Variants in KLHL29 observed in about 807,000 individuals in gnomAD.
KLHL29 encodes kelch-like protein 29.
In KLHL29, 21 loss-of-function variants were observed where a neutral mutation model predicts 80.4. That is an observed-to-expected ratio of 0.26 (90% CI 0.19 to 0.38). The LOEUF is 0.38. Among genes scored for constraint, KLHL29 ranks in the 10% least tolerant of loss-of-function variants. The pLI is 1.00. For synonymous variants in KLHL29, 511 were observed against 526.8 expected (o/e 0.97, Z 0.41); for missense variants, 867 against 1,223.9 (o/e 0.71, Z 4.35).
chr2:23,685,847 C>T (rs1344725681), intron 6 of KLHL29, among the ~76,000 whole-genome samples: 3 of 152,196 alleles, frequency 2.0e-5, no homozygotes, highest in East Asian at 1.9e-4. Context: ...GGGCCCGCAT[C>T]GGGCTGCCGG....
At chr2:23,706,236 C>T (rs370618851) in intron 13 of KLHL29, among the ~76,000 whole-genome samples, 11 of 152,296 alleles carry the variant, frequency 7.2e-5, no homozygotes, top group African/African-American at 2.6e-4. Flanking sequence ...GTCACTCTGG[C>T]GGGGCAGGGA....
At chr2:23,433,802 C>T (rs997364159) in intron 1 of KLHL29, among the ~76,000 whole-genome samples, 5 of 152,048 alleles carry the variant, frequency 3.3e-5, no homozygotes, top group African/African-American at 7.2e-5. Flanking sequence ...ACCTGTAGTC[C>T]GAGCTATTCC....
At chr2:23,614,780 G>A (rs1337030473) in intron 3 of KLHL29, among the ~76,000 whole-genome samples, 1 of 152,166 alleles carries the variant, frequency 6.6e-6, no homozygotes, top group Non-Finnish European at 1.5e-5. Context: ...ATCGCTGAGG[G>A]AGGAACATTG....
chr2:23,434,401 C>T (rs1486518581), intron 1 of KLHL29, among the ~76,000 whole-genome samples: 3 of 47,974 alleles, frequency 6.3e-5, no homozygotes, highest in Non-Finnish European at 1.1e-4. Flanking sequence ...TGACAAAGTG[C>T]AGAGCCTTGG....
At chr2:23,604,347 G>A (rs985758764) in intron 3 of KLHL29, among the ~76,000 whole-genome samples, 10 of 152,088 alleles carry the variant, frequency 6.6e-5, no homozygotes, top group African/African-American at 1.2e-4. Context: ...TGCCTGCCTC[G>A]GCCTCCCAGA....
intron 3 of KLHL29, among the ~76,000 whole-genome samples, chr2:23,573,091 G>A (rs889043024): frequency 5.9e-5 from 9 of 152,230 alleles, no homozygotes; most frequent in East Asian, 3.9e-4. Context: ...GCCTGAGCCC[G>A]GATGATGAAG....
intron 3 of KLHL29, among the ~76,000 whole-genome samples, chr2:23,638,432 A>C (rs923997830): frequency 1.3e-5 from 2 of 152,004 alleles, no homozygotes; most frequent in Non-Finnish European, 2.9e-5. Context: ...TTCATCTACA[A>C]ATCTGAACTA....
chr2:23,586,041 A>G (rs1364029192), intron 3 of KLHL29, among the ~76,000 whole-genome samples: 2 of 152,164 alleles, frequency 1.3e-5, no homozygotes, highest in Non-Finnish European at 2.9e-5. Flanking sequence ...GAACGAGAGC[A>G]CACAGAAGGC....
At chr2:23,531,124 C>T (rs921816760) in intron 2 of KLHL29, among the ~76,000 whole-genome samples, 2 of 152,218 alleles carry the variant, frequency 1.3e-5, no homozygotes, top group African/African-American at 4.8e-5. Context: ...ATCTGGGACT[C>T]GGCAGAAGCC....
chr2:23,677,649 T>C (rs2149181906), intron 5 of KLHL29, among the ~76,000 whole-genome samples: 1 of 152,320 alleles, frequency 6.6e-6, no homozygotes, highest in East Asian at 1.9e-4. Context: ...GCATATCTGA[T>C]CAGACCGGGG....
chr2:23,454,815 A>G (rs2103424005), intron 1 of KLHL29, among the ~76,000 whole-genome samples: 1 of 151,942 alleles, frequency 6.6e-6, no homozygotes, highest in Admixed American at 6.6e-5. Flanking sequence ...ATTTTGTACA[A>G]CAAATATTCC....
At chr2:23,451,321 G>A (rs576222264) in intron 1 of KLHL29, among the ~76,000 whole-genome samples, 2 of 152,296 alleles carry the variant, frequency 1.3e-5, no homozygotes, top group South Asian at 4.1e-4. Context: ...AGGGACCCAG[G>A]GAATGTGAGT....
chr2:23,498,500 G>A (rs537970575), intron 2 of KLHL29, among the ~76,000 whole-genome samples: 1 of 152,298 alleles, frequency 6.6e-6, no homozygotes, highest in South Asian at 2.1e-4. Flanking sequence ...CAGGCCTTTG[G>A]GGCCAAAGGA....
chr2:23,536,669 A>T (rs948411047), intron 2 of KLHL29, among the ~76,000 whole-genome samples: 2 of 152,088 alleles, frequency 1.3e-5, no homozygotes, highest in Non-Finnish European at 2.9e-5. Context: ...TTGAGTCCTG[A>T]TCTCTCTCCG....
chr2:23,457,541 G>A lies in KLHL29; in HGVS notation c.-153-18019G>A, dbSNP rs1664091243. On this transcript the variant is annotated intron_variant, in intron 1 of 13. Transcript: ENST00000486442. This position sits in a 1 kb window ranked among gnomAD's most constrained non-coding sequence, Gnocchi z 4.3. ...CGTCACCTTGTGTTCCCCGAGGTGG[G>A]GGTGCCTCTGGAATTCCCTGTTCTG... 3.3e-5 allele frequency among the ~76,000 whole-genome samples: 5 copies of A among 152,152 alleles called. No homozygotes were observed. Among genetic ancestry groups the A allele is most frequent in the Admixed American group, 3.3e-4 (5 of 15,286 alleles).
intron 11 of KLHL29, among the ~76,000 whole-genome samples, chr2:23,702,406 A>T (rs769356477): frequency 1.3e-5 from 2 of 152,238 alleles, no homozygotes; most frequent in Non-Finnish European, 2.9e-5. Flanking sequence ...TGAACACTGT[A>T]TATTACATCA....
intron 3 of KLHL29, among the ~76,000 whole-genome samples, chr2:23,584,124 C>G (rs1269308709): frequency 6.6e-6 from 1 of 152,186 alleles, no homozygotes; most frequent in African/African-American, 2.4e-5. Context: ...GCTTATGGGC[C>G]TATTTTAGAA....
At chr2:23,604,277 A>G (rs1377804281) in intron 3 of KLHL29, among the ~76,000 whole-genome samples, 1 of 127,814 alleles carries the variant, frequency 7.8e-6, no homozygotes, top group African/African-American at 2.9e-5. Context: ...CTGTATTTTT[A>G]GTTGAGACGG....
chr2:23,645,176 GA>G (rs1296495000), intron 5 of KLHL29, among the ~76,000 whole-genome samples: 3 of 152,058 alleles, frequency 2.0e-5, no homozygotes, highest in Admixed American at 2.0e-4. Flanking sequence ...CTTTATTGCT[GA>G]AGCTATAATT....
Sources: gnomAD v4.1 joint callset for allele counts (sites outside exome capture counted in the v4.1 genomes callset) on GRCh38, gnomAD v4.1.1 for gene constraint, Gnocchi (gnomAD v3.1) non-coding constraint, MANE v1.5 for transcripts, NCBI Gene and HGNC (gene_info 2026-07-23, HGNC 2026-07-21) for gene names.